Variants in HMGCLL1 observed in about 807,000 individuals in gnomAD.
HMGCLL1 encodes the protein 3-hydroxy-3-methylglutaryl-CoA lyase like 1, also known as 3-hydroxymethyl-3-methylglutaryl-CoA lyase, cytoplasmic.
A neutral mutation model predicts 39.1 loss-of-function variants in HMGCLL1; 36 were observed. That is an observed-to-expected ratio of 0.92 (90% CI 0.71 to 1.22). HMGCLL1 has a LOEUF of 1.22. Ranked by LOEUF, HMGCLL1 falls within the 50% of genes most tolerant of loss-of-function variation. The pLI, the probability that HMGCLL1 is intolerant of heterozygous loss-of-function variation, is 0.00. For missense variants in HMGCLL1, 451 were observed against 416.5 expected (o/e 1.08, Z -0.72); for synonymous variants, 149 against 144.0 (o/e 1.03, Z -0.25).
the HMGCLL1 span, among the ~76,000 whole-genome samples, chr6:55,668,441 G>A: frequency 9.8e-3 from 1,492 of 151,960 alleles, 26 homozygotes; most frequent in African/African-American, 0.023. Flanking sequence ...TAAGTTAGGG[G>A]CTCTGGTTCT....
chr6:55,526,106 T>C (rs1437718734), intron 3 of HMGCLL1, among the ~76,000 whole-genome samples: 1 of 151,860 alleles, frequency 6.6e-6, no homozygotes, highest in Admixed American at 6.6e-5. Flanking sequence ...TCCAGAATAA[T>C]TTGCAGCTAA....
the HMGCLL1 span, among the ~76,000 whole-genome samples, chr6:55,663,863 G>A: frequency 4.0e-5 from 6 of 151,682 alleles, no homozygotes; most frequent in Non-Finnish European, 8.8e-5. Flanking sequence ...TCCTGTGTTG[G>A]GTGCATATAT....
At chr6:55,647,534 C>T in the HMGCLL1 span, among the ~76,000 whole-genome samples, 14 of 149,240 alleles carry the variant, frequency 9.4e-5, no homozygotes, top group Admixed American at 8.1e-4. Flanking sequence ...TAATTTATTG[C>T]TTTTTAGATT....
intron 1 of HMGCLL1, among the ~76,000 whole-genome samples, chr6:55,559,767 A>G (rs1450420067): frequency 6.6e-6 from 1 of 152,126 alleles, no homozygotes; most frequent in Non-Finnish European, 1.5e-5. Context: ...AAATTAAATG[A>G]CCTCTCAGGG....
At chr6:55,641,550 A>G in the HMGCLL1 span, among the ~76,000 whole-genome samples, 1 of 151,990 alleles carries the variant, frequency 6.6e-6, no homozygotes, top group African/African-American at 2.4e-5. Context: ...AAGTACAAGG[A>G]TATACTCTGT....
At chr6:55,476,145 A>T (rs965410305) in intron 7 of HMGCLL1, among the ~76,000 whole-genome samples, 1 of 151,610 alleles carries the variant, frequency 6.6e-6, no homozygotes, top group Non-Finnish European at 1.5e-5. Context: ...CTTGCATTGA[A>T]TCTATGGATC....
chr6:55,445,526 G>A (rs980015128), intron 7 of HMGCLL1, among the ~76,000 whole-genome samples: 1 of 151,006 alleles, frequency 6.6e-6, no homozygotes, highest in Non-Finnish European at 1.5e-5. Flanking sequence ...GAAAATAATA[G>A]ACAGGCCACT....
At chr6:55,637,439 T>TG in the HMGCLL1 span, among the ~76,000 whole-genome samples, 51,355 of 151,802 alleles carry the variant, frequency 0.34, 8,975 homozygotes, top group African/African-American at 0.42. Flanking sequence ...CACGAAAAAT[T>TG]GGTCTGTTTT....
chr6:55,526,909 T>G (rs1470923912), intron 3 of HMGCLL1, among the ~76,000 whole-genome samples: 1 of 152,080 alleles, frequency 6.6e-6, no homozygotes, highest in African/African-American at 2.4e-5. Flanking sequence ...CAAGCCAACC[T>G]TGCTGATTCC....
intron 3 of HMGCLL1, among the ~76,000 whole-genome samples, chr6:55,535,066 G>C (rs1417025598): frequency 6.6e-6 from 1 of 152,168 alleles, no homozygotes; most frequent in Non-Finnish European, 1.5e-5. Context: ...TATCTATGTG[G>C]ATCTAGCTCT....
the HMGCLL1 span, among the ~76,000 whole-genome samples, chr6:55,585,825 T>C: frequency 1.3e-5 from 2 of 152,232 alleles, no homozygotes; most frequent in African/African-American, 2.4e-5. Flanking sequence ...GAAAAATAAG[T>C]ATGAATATAT....
the HMGCLL1 span, among the ~76,000 whole-genome samples, chr6:55,651,307 G>C: frequency 6.6e-6 from 1 of 151,998 alleles, no homozygotes; most frequent in Non-Finnish European, 1.5e-5. Context: ...CTCCAGTAGT[G>C]GTGGCCACAG....
chr6:55,569,703 T>C (rs1277332614), intron 1 of HMGCLL1, among the ~76,000 whole-genome samples: 1 of 152,168 alleles, frequency 6.6e-6, no homozygotes, highest in East Asian at 1.9e-4. Flanking sequence ...CAAAAGTCCT[T>C]ATAATAAGCA....
At chr6:55,582,573 C>G (rs1256342672), upstream of HMGCLL1, among the ~76,000 whole-genome samples, 5 of 152,148 alleles carry the variant, frequency 3.3e-5, no homozygotes, top group Non-Finnish European at 7.4e-5. Context: ...ATTTTCTAAA[C>G]TTATCCATAA....
intron 3 of HMGCLL1, among the ~76,000 whole-genome samples, chr6:55,525,985 T>C (rs1015651270): frequency 6.6e-6 from 1 of 151,910 alleles, no homozygotes; most frequent in African/African-American, 2.4e-5. Context: ...AAGAAATGGA[T>C]GTCACCTTGG....
rs193060637 is a variant in HMGCLL1 at position 55,480,304 on chromosome 6, T to C, written c.795+15115A>G. ...AAAAATCTAATAATCCGACCAAAAA[T>C]GGAAAAAAGATCTGAAAAGATCTTC... On this transcript the variant is annotated intron_variant, in intron 7 of 8. Coordinates refer to ENST00000274901, the MANE Select transcript of HMGCLL1 (RefSeq NM_001042406.2). 1.8e-3 allele frequency among the ~76,000 whole-genome samples: 279 copies of C among 151,170 alleles called. 3 individuals are homozygous for C. Among genetic ancestry groups the C allele is most frequent in the East Asian group, 8.0e-3 (41 of 5,148 alleles).
At chr6:55,628,287 AT>A in the HMGCLL1 span, among the ~76,000 whole-genome samples, 9 of 134,270 alleles carry the variant, frequency 6.7e-5, no homozygotes, top group South Asian at 1.8e-3. Flanking sequence ...TATTGTTCTT[AT>A]TTTTTATTTA....
intron 3 of HMGCLL1, among the ~76,000 whole-genome samples, chr6:55,540,475 C>G (rs567517752): frequency 6.6e-6 from 1 of 152,144 alleles, no homozygotes; most frequent in East Asian, 1.9e-4. Context: ...CTGCTCTCCA[C>G]CATATGAGGA....
Position 55,495,317 on chromosome 6 carries a change from CA to C in HMGCLL1, c.795+101del, listed in dbSNP as rs1766513860. 4.3e-6 allele frequency: 4 copies of C among 921,158 alleles called. 1 individual carries two copies. The South Asian group carries it at 7.6e-5, about 17-fold the overall frequency. 57.1% of individuals were successfully genotyped at this position (921,158 alleles called of 1,614,324 possible). A position where few individuals can be genotyped will look rare whatever the true frequency, so the allele number is the denominator to read the frequency against. On this transcript the variant is annotated intron_variant, in intron 7 of 8. Coordinates refer to ENST00000274901, the MANE Select transcript of HMGCLL1 (RefSeq NM_001042406.2). ...ACACTGGTTAAAATTAGATTCATAA[CA>C]TTTTATGAAAATTGTAACAATACAG...
Sources: allele counts gnomAD v4.1 joint callset (sites outside exome capture counted in the v4.1 genomes callset), GRCh38; gene constraint gnomAD v4.1.1; transcripts MANE v1.5; gene names NCBI Gene and HGNC (gene_info 2026-07-23, HGNC 2026-07-21).